Variants in NUDT9 observed in about 807,000 individuals in gnomAD.
NUDT9 encodes the protein ADP-ribose pyrophosphatase.
Under a neutral mutation model 41.0 loss-of-function variants are expected in NUDT9, and 31 were observed. That is an observed-to-expected ratio of 0.76 (90% confidence interval 0.57 to 1.02). The LOEUF (loss-of-function observed/expected upper bound fraction) is 1.02, where lower values mean the gene tolerates loss of function less well. NUDT9 is among the 50% of genes least tolerant of loss of function. The pLI, the probability that NUDT9 is intolerant of heterozygous loss-of-function variation, is 0.00. For synonymous variants in NUDT9, 146 were observed against 147.6 expected, an observed-to-expected ratio of 0.99 and a Z score of 0.08; for missense variants, 380 against 431.4, an observed-to-expected ratio of 0.88 and a Z score of 1.06.
intron 3 of NUDT9, among the ~76,000 whole-genome samples, chr4:87,438,892 C>T (rs1199391046): frequency 4.6e-5 from 7 of 152,176 alleles, no homozygotes; most frequent in African/African-American, 7.2e-5. Context: ...CCTGGCCGGG[C>T]GCAGTGGCTC....
intron 4 of NUDT9, among the ~76,000 whole-genome samples, chr4:87,448,132 A>G (rs2110184717): frequency 6.8e-6 from 1 of 148,032 alleles, no homozygotes; most frequent in South Asian, 2.1e-4. Flanking sequence ...GAACTGTTAA[A>G]AGCAAATTTT....
At chr4:87,427,261 G>A (rs1721470912) in intron 1 of NUDT9, among the ~76,000 whole-genome samples, 1 of 152,014 alleles carries the variant, frequency 6.6e-6, no homozygotes. Flanking sequence ...GACAATGATT[G>A]TTGCAGATTT....
chr4:87,453,677 C>T (rs1364510431), intron 6 of NUDT9, among the ~76,000 whole-genome samples: 1 of 152,014 alleles, frequency 6.6e-6, no homozygotes, highest in African/African-American at 2.4e-5. Flanking sequence ...ATCCGCCCAC[C>T]TCCGCCTCCC....
At chr4:87,431,894 C>T (rs920514241) in intron 1 of NUDT9, among the ~76,000 whole-genome samples, 2 of 152,142 alleles carry the variant, frequency 1.3e-5, no homozygotes, top group African/African-American at 2.4e-5. Flanking sequence ...CCATGTTGGC[C>T]GGGCTGGTCT....
chr4:87,430,841 T>C (rs1303097398), intron 1 of NUDT9, among the ~76,000 whole-genome samples: 2 of 152,210 alleles, frequency 1.3e-5, no homozygotes, highest in African/African-American at 4.8e-5. Context: ...CAACCCCTTA[T>C]CAGACATGTG....
chr4:87,432,708 A>C (rs1721738938), intron 1 of NUDT9, among the ~76,000 whole-genome samples: 1 of 151,616 alleles, frequency 6.6e-6, no homozygotes, highest in South Asian at 2.1e-4. Flanking sequence ...AATATTCTTA[A>C]ATCGTGAAAG....
At chr4:87,428,102 G>A (rs1028062423) in intron 1 of NUDT9, among the ~76,000 whole-genome samples, 1 of 152,182 alleles carries the variant, frequency 6.6e-6, no homozygotes, top group African/African-American at 2.4e-5. Context: ...CGTTACACTA[G>A]TTTTCAGCCC....
chr4:87,442,153 G>A (rs919864746), intron 4 of NUDT9, among the ~76,000 whole-genome samples: 2 of 152,190 alleles, frequency 1.3e-5, no homozygotes, highest in African/African-American at 4.8e-5. Flanking sequence ...CATAAAACTA[G>A]ATTGTGTAGG....
At chr4:87,436,787 G>C (rs935424170) in intron 2 of NUDT9, among the ~76,000 whole-genome samples, 6 of 152,158 alleles carry the variant, frequency 3.9e-5, no homozygotes, top group Non-Finnish European at 8.8e-5. Context: ...ACAGACCACA[G>C]ATATTTCTTT....
chr4:87,435,270 A>G, intron 2 of NUDT9, 50 bp downstream of exon 2: 1 of 1,544,292 alleles, frequency 6.5e-7, no homozygotes, highest in South Asian at 1.3e-5. Flanking sequence ...TAGAGAAGGT[A>G]ATGGTTTTAT....
At chr4:87,454,350 T>G (rs779779056) in intron 6 of NUDT9, 21 bp from the exon 7 acceptor site, 1 of 1,494,306 alleles carries the variant, frequency 6.7e-7, no homozygotes, top group Non-Finnish European at 9.3e-7. Flanking sequence ...TTTTAAAAAA[T>G]TTGTCTTCTT....
intron 1 of NUDT9, among the ~76,000 whole-genome samples, chr4:87,431,731 T>C (rs1161314983): frequency 6.6e-6 from 1 of 152,154 alleles, no homozygotes; most frequent in Non-Finnish European, 1.5e-5. Context: ...TGTTTGTTTG[T>C]TTTTGAGATG....
At position 87,437,119 on chromosome 4, in the gene NUDT9, A is replaced by G. The variant is rs371194949; in HGVS notation, c.348-1158A>G. On this transcript the variant is annotated intron_variant, in intron 2 of 7. Coordinates refer to ENST00000302174, the MANE Select transcript of NUDT9 (RefSeq NM_024047.5). The stretch of plus-strand genomic sequence containing the variant: ...TAAAAAATTAGCTGGGTATAGTGGC[A>G]TGTTCCTGTAGTCCCAGCTACTCAG... Among the ~76,000 whole-genome samples the G allele has an allele frequency of 2.0e-5, 3 of 151,828 alleles. No individual in the cohort carries two copies. In the East Asian group the frequency reaches 5.9e-4, roughly 30 times the overall value.
intron 6 of NUDT9, among the ~76,000 whole-genome samples, chr4:87,453,102 G>A (rs1722830185): frequency 6.6e-6 from 1 of 151,992 alleles, no homozygotes; most frequent in African/African-American, 2.4e-5. Context: ...GTGAGCCACC[G>A]CACCCGGCCT....
At position 87,435,170 on chromosome 4, in the gene NUDT9, C is replaced by T; in HGVS notation, c.297C>T (p.Tyr99=). 6.2e-7 allele frequency: 1 copy of T among 1,614,192 alleles called. No homozygotes were observed. Among genetic ancestry groups the T allele is most frequent in the Non-Finnish European group, 8.5e-7 (1 of 1,180,010 alleles). ...VEWQDYKPVE[Y]TAVSVLAGPR... ...GGCAAGACTATAAGCCTGTGGAATA[C>T]ACTGCAGTCTCTGTCTTGGCTGGAC... The change falls in exon 2 of 8, where the codon TAC becomes TAT. Residue 99 remains tyrosine (Y), a synonymous_variant. Coordinates refer to ENST00000302174, the MANE Select transcript of NUDT9 (RefSeq NM_024047.5).
intron 5 of NUDT9, among the ~76,000 whole-genome samples, chr4:87,451,355 G>C (rs1158629482): frequency 6.6e-6 from 1 of 152,164 alleles, no homozygotes; most frequent in Non-Finnish European, 1.5e-5. Flanking sequence ...CCAGGAAATT[G>C]GTTTGATTGC....
intron 7 of NUDT9, among the ~76,000 whole-genome samples, chr4:87,456,480 C>T (rs1171032034): frequency 1.3e-5 from 2 of 152,138 alleles, no homozygotes; most frequent in Non-Finnish European, 2.9e-5. Flanking sequence ...TACCTTTCCC[C>T]TCTCCATGTT....
intron 2 of NUDT9, 25 bp from the exon 3 acceptor site, chr4:87,438,252 T>C: frequency 1.6e-6 from 2 of 1,261,556 alleles, no homozygotes; most frequent in East Asian, 2.3e-5. Flanking sequence ...TTATTTCTTA[T>C]TTTACATTGG....
chr4:87,436,355 G>C (rs1721935741), intron 2 of NUDT9, among the ~76,000 whole-genome samples: 1 of 152,062 alleles, frequency 6.6e-6, no homozygotes, highest in Non-Finnish European at 1.5e-5. Context: ...TTCTAACCCA[G>C]GGTGGAGTGC....
Sources: gnomAD v4.1 joint callset for allele counts (sites outside exome capture counted in the v4.1 genomes callset) on GRCh38, gnomAD v4.1.1 for gene constraint, MANE v1.5 for transcripts, NCBI Gene and HGNC (gene_info 2026-07-23, HGNC 2026-07-21) for gene names.